PCDH15: variants seen among roughly 807,000 people sequenced by gnomAD.
PCDH15 encodes the protein protocadherin related 15, also known as protocadherin-15.
PCDH15 carries 129 observed loss-of-function variants against 178.5 expected under a neutral mutation model. The ratio of observed to expected loss-of-function variants is 0.72; its 90% CI spans 0.63 to 0.84. PCDH15 has a LOEUF of 0.84. Ranked by LOEUF, PCDH15 falls within the 40% of genes least tolerant of loss-of-function variation. The pLI, the probability that PCDH15 is intolerant of heterozygous loss-of-function variation, is 0.00. For synonymous variants in PCDH15, 800 were observed against 732.0 expected (o/e 1.09, Z -1.50); for missense variants, 2,230 against 2,099.9 (o/e 1.06, Z -1.21).
chr10:55,365,661 T>C (rs1474641005), intron 2 of PCDH15, among the ~76,000 whole-genome samples: 3 of 149,346 alleles, frequency 2.0e-5, no homozygotes, highest in Non-Finnish European at 4.5e-5. Context: ...ACGAGATATA[T>C]GGTTTTAAAA....
chr10:54,864,281 C>G (rs1203466898), intron 3 of PCDH15, among the ~76,000 whole-genome samples: 2 of 151,932 alleles, frequency 1.3e-5, no homozygotes, highest in Non-Finnish European at 2.9e-5. Context: ...AAGTGGAAAG[C>G]AGGATAAAGT....
chr10:54,566,015 C>T (rs956195284), intron 2 of PCDH15, among the ~76,000 whole-genome samples: 1 of 152,126 alleles, frequency 6.6e-6, no homozygotes, highest in African/African-American at 2.4e-5. Context: ...AACTGGGAAG[C>T]GGAGTTTGCA....
intron 18 of PCDH15, among the ~76,000 whole-genome samples, chr10:54,057,438 C>A (rs975361475): frequency 2.6e-5 from 4 of 152,224 alleles, no homozygotes; most frequent in Admixed American, 6.5e-5. Flanking sequence ...CATGTGGAAG[C>A]CGCCAAGACT....
At chr10:55,198,818 C>T (rs1840164972) in intron 1 of PCDH15, among the ~76,000 whole-genome samples, 1 of 152,008 alleles carries the variant, frequency 6.6e-6, no homozygotes, top group African/African-American at 2.4e-5. Context: ...TGTAGTGCTT[C>T]CCCCTTTGCT....
At chr10:55,424,815 C>G (rs1296010030) in intron 2 of PCDH15, among the ~76,000 whole-genome samples, 2 of 151,884 alleles carry the variant, frequency 1.3e-5, no homozygotes, top group Non-Finnish European at 2.9e-5. Flanking sequence ...AATTTCTAGG[C>G]CTCTGCTTGT....
rs1334785629 is a variant in PCDH15, at chr10:54,179,445, G to A, written c.1590+3999C>T. Among the ~76,000 whole-genome samples the A allele has an allele frequency of 2.6e-5, 4 of 151,452 alleles. No homozygotes were observed. The East Asian group carries it at 5.9e-4, about 22-fold the overall frequency. ...GGGGTGGGGGGAGGGGGCAGGGATA[G>A]CATTAGGAGATATACCTAATGCTAA... On this transcript the variant is annotated intron_variant, in intron 13 of 37. Transcript: ENST00000644397.
At chr10:55,161,494 G>A (rs1206010974) in intron 2 of PCDH15, among the ~76,000 whole-genome samples, 1 of 152,004 alleles carries the variant, frequency 6.6e-6, no homozygotes, top group Non-Finnish European at 1.5e-5. Context: ...ATCTGCTTTT[G>A]CACTATAAAG....
At chr10:54,521,795 A>T (rs1478012364) in intron 3 of PCDH15, among the ~76,000 whole-genome samples, 1 of 152,144 alleles carries the variant, frequency 6.6e-6, no homozygotes, top group African/African-American at 2.4e-5. Context: ...ATATATTTTT[A>T]AATAATAAAG....
chr10:53,819,010 G>A (rs1345855212), intron 33 of PCDH15, among the ~76,000 whole-genome samples: 1 of 151,974 alleles, frequency 6.6e-6, no homozygotes, highest in East Asian at 1.9e-4. Flanking sequence ...GCTTACTTAA[G>A]CTTCTCAATT....
chr10:55,393,320 T>C (rs909980762), intron 2 of PCDH15, among the ~76,000 whole-genome samples: 2 of 152,134 alleles, frequency 1.3e-5, no homozygotes, highest in Admixed American at 1.3e-4. Flanking sequence ...GGTAATAACA[T>C]TAGTCTAGAC....
intron 2 of PCDH15, among the ~76,000 whole-genome samples, chr10:55,155,228 G>C (rs753841311): frequency 6.6e-6 from 1 of 151,982 alleles, no homozygotes; most frequent in Non-Finnish European, 1.5e-5. Flanking sequence ...CAGTTACTTC[G>C]GTGCAGTTAC....
At chr10:54,555,736 CAAAAAAAAAA>C (rs869032040) in intron 2 of PCDH15, among the ~76,000 whole-genome samples, 4 of 73,398 alleles carry the variant, frequency 5.4e-5, no homozygotes, top group African/African-American at 2.2e-4. Flanking sequence ...GACTCTGTCT[CAAAAAAAAAA>C]AAAAAAAAGA....
At chr10:54,263,842 T>C (rs1351381523) in intron 8 of PCDH15, among the ~76,000 whole-genome samples, 1 of 152,122 alleles carries the variant, frequency 6.6e-6, no homozygotes, top group East Asian at 1.9e-4. Flanking sequence ...AGATTAACAT[T>C]TGAGTCTGGA....
At chr10:55,303,077 G>T (rs1391746348) in intron 1 of PCDH15, among the ~76,000 whole-genome samples, 1 of 114,978 alleles carries the variant, frequency 8.7e-6, no homozygotes, top group Non-Finnish European at 1.8e-5. Context: ...AGAAAACAAA[G>T]ATATTTGAGA....
chr10:54,189,243 A>C, intron 11 of PCDH15: 1 of 644,052 alleles, frequency 1.6e-6, no homozygotes, highest in Non-Finnish European at 2.7e-6. Context: ...GTATTTGTAG[A>C]TATCCTTATA....
chr10:55,575,700 T>C (rs1432880409), intron 2 of PCDH15: 2 of 152,178 alleles, frequency 1.3e-5, no homozygotes, highest in Non-Finnish European at 2.9e-5. Flanking sequence ...TCCAAGATGC[T>C]ATTGTCATTT....
chr10:55,345,107 T>C (rs981818914), intron 2 of PCDH15, among the ~76,000 whole-genome samples: 1 of 151,814 alleles, frequency 6.6e-6, no homozygotes, highest in Non-Finnish European at 1.5e-5. Flanking sequence ...TTAAAATCTC[T>C]CAAATATACT....
chr10:53,974,826 G>C (rs1249575678), intron 21 of PCDH15, among the ~76,000 whole-genome samples: 1 of 151,882 alleles, frequency 6.6e-6, no homozygotes, highest in Admixed American at 6.6e-5. Context: ...GTGCAAGTCT[G>C]TTACACGATG....
chr10:53,852,621 T>C (rs553842387), intron 28 of PCDH15, among the ~76,000 whole-genome samples: 41 of 152,224 alleles, frequency 2.7e-4, no homozygotes, highest in African/African-American at 9.9e-4. Flanking sequence ...AGTGTACTGA[T>C]CTTTGTAAAA....
Sources: gnomAD v4.1 joint callset for allele counts (sites outside exome capture counted in the v4.1 genomes callset) on GRCh38, gnomAD v4.1.1 for gene constraint, MANE v1.5 for transcripts, NCBI Gene and HGNC (gene_info 2026-07-23, HGNC 2026-07-21) for gene names.